Variants in DGLUCY observed in about 807,000 individuals in gnomAD.
DGLUCY encodes the protein D-glutamate cyclase, mitochondrial.
In DGLUCY, 58 loss-of-function variants were observed where a neutral mutation model predicts 58.5. The observed-to-expected ratio is 0.99, with a 90% CI of 0.80 to 1.23. The LOEUF (loss-of-function observed/expected upper bound fraction) is 1.23. Ranked by LOEUF, DGLUCY falls within the 50% of genes most tolerant of loss-of-function variation. The probability of loss-of-function intolerance (pLI) is 0.00; values close to 1 mark genes in which losing one functional copy is unlikely to be tolerated. For synonymous variants in DGLUCY, 325 were observed against 314.1 expected, an observed-to-expected ratio of 1.03 and a Z score of -0.37; for missense variants, 779 against 784.7, an observed-to-expected ratio of 0.99 and a Z score of 0.09.
At chr14:91,074,116 TATACACAC>T (rs1269859239) in intron 1 of DGLUCY, among the ~76,000 whole-genome samples, 33 of 77,494 alleles carry the variant, frequency 4.3e-4, no homozygotes, top group Non-Finnish European at 5.5e-4. Flanking sequence ...TATATATATA[TATACACAC>T]ACACACACAC....
chr14:91,153,350 T>C (rs946247851), intron 1 of DGLUCY, among the ~76,000 whole-genome samples: 1 of 152,086 alleles, frequency 6.6e-6, no homozygotes, highest in Non-Finnish European at 1.5e-5. Context: ...ACCTGGCTAA[T>C]TTTTGTATTT....
chr14:91,132,755 G>A (rs1468830303), intron 1 of DGLUCY, among the ~76,000 whole-genome samples: 1 of 151,970 alleles, frequency 6.6e-6, no homozygotes, highest in African/African-American at 2.4e-5. Context: ...TGGGATTACA[G>A]GCGTGAGCCA....
chr14:91,096,059 G>A (rs889580999), intron 1 of DGLUCY, among the ~76,000 whole-genome samples: 3 of 152,184 alleles, frequency 2.0e-5, no homozygotes, highest in South Asian at 2.1e-4. Context: ...TCAGATGCTA[G>A]TATTTGGTAG....
At chr14:91,142,840 AACACACACACAC>A (rs558892923) in intron 1 of DGLUCY, among the ~76,000 whole-genome samples, 1,284 of 124,292 alleles carry the variant, frequency 0.01, 12 homozygotes, top group African/African-American at 0.037. Context: ...ATCTCTACTA[AACACACACACAC>A]ACACACACAC....
At chr14:91,147,362 G>A (rs1195845736) in intron 1 of DGLUCY, among the ~76,000 whole-genome samples, 1 of 152,188 alleles carries the variant, frequency 6.6e-6, no homozygotes, top group Non-Finnish European at 1.5e-5. Context: ...AGAAAGCCGA[G>A]CAAGGTAGGG....
At chr14:91,215,581 G>T in intron 13 of DGLUCY, 25 bp downstream of exon 13, 1 of 1,613,184 alleles carries the variant, frequency 6.2e-7, no homozygotes, top group Non-Finnish European at 8.5e-7. Flanking sequence ...CCAGCCGCTC[G>T]CCTGGAAGCA....
At chr14:91,154,040 G>A (rs369892211) in intron 1 of DGLUCY, among the ~76,000 whole-genome samples, 1 of 152,164 alleles carries the variant, frequency 6.6e-6, no homozygotes, top group Non-Finnish European at 1.5e-5. Flanking sequence ...CAAGTAGCTG[G>A]AATTACGGGT....
At chr14:91,161,262 G>A (rs1198702980) in intron 3 of DGLUCY, among the ~76,000 whole-genome samples, 24 of 152,170 alleles carry the variant, frequency 1.6e-4, no homozygotes, top group Non-Finnish European at 1.5e-5. Flanking sequence ...AGTAGAGACG[G>A]GGTTTCACCG....
At chr14:91,193,309 C>T (rs1288116014) in intron 9 of DGLUCY, among the ~76,000 whole-genome samples, 1 of 152,104 alleles carries the variant, frequency 6.6e-6, no homozygotes, top group Admixed American at 6.5e-5. Flanking sequence ...TTTCAGCTGC[C>T]CCCTTCCCAG....
chr14:91,153,357 A>C (rs1041850666), intron 1 of DGLUCY, among the ~76,000 whole-genome samples: 1 of 151,996 alleles, frequency 6.6e-6, no homozygotes, highest in African/African-American at 2.4e-5. Flanking sequence ...TAATTTTTGT[A>C]TTTTTAGTAG....
intron 7 of DGLUCY, 21 bp from the exon 8 acceptor site, chr14:91,181,165 C>T: frequency 3.7e-6 from 6 of 1,611,824 alleles, no homozygotes; most frequent in Non-Finnish European, 5.1e-6. Context: ...TGGGCTCAGA[C>T]CCTCCTGCTG....
intron 1 of DGLUCY, among the ~76,000 whole-genome samples, chr14:91,119,641 C>A (rs576446235): frequency 1.3e-5 from 2 of 152,138 alleles, no homozygotes; most frequent in African/African-American, 4.8e-5. Context: ...GGTGTGATGG[C>A]TTAATGTTGA....
intron 11 of DGLUCY, among the ~76,000 whole-genome samples, chr14:91,203,774 T>G (rs2050715527): frequency 6.6e-6 from 1 of 151,926 alleles, no homozygotes; most frequent in Admixed American, 6.6e-5. Flanking sequence ...CCTCCCAGTT[T>G]CAAGTGATTC....
intron 1 of DGLUCY, among the ~76,000 whole-genome samples, chr14:91,119,669 T>C (rs941673): frequency 0.84 from 127,400 of 152,104 alleles, 53,716 homozygotes; most frequent in East Asian, 1. Context: ...CTGGATTGGA[T>C]TGAAGGATGT....
upstream of DGLUCY, among the ~76,000 whole-genome samples, chr14:91,103,467 A>G (rs2044528564): frequency 1.3e-5 from 2 of 152,106 alleles, 1 homozygote; most frequent in Admixed American, 1.3e-4. Flanking sequence ...GGAAAATAGA[A>G]GCCAACAGAT....
chr14:91,132,553 A>G (rs1356320230), intron 1 of DGLUCY, among the ~76,000 whole-genome samples: 1 of 149,948 alleles, frequency 6.7e-6, no homozygotes, highest in Non-Finnish European at 1.5e-5. Context: ...ATCTTGGCTC[A>G]CCGCAACCTC....
At position 91,223,598 on chromosome 14, in the gene DGLUCY, A is replaced by T. The variant is rs921662674; in HGVS notation, c.1717-1086A>T. 4 of 1,157,048 alleles carry T rather than the reference A, an allele frequency of 3.5e-6. No homozygotes were observed. In the African/African-American group the frequency reaches 6.4e-5, roughly 19 times the overall value. The allele number at this position is 1,157,048 out of a possible 1,614,324, so 71.7% of individuals were successfully genotyped here. Reference sequence around the variant, plus strand: ...GGACAGACACATTAGTGGCTTGGGCAAGTGGTGCTTTGGGATTTTATTTTT... The same window carrying T: ...GGACAGACACATTAGTGGCTTGGGCTAGTGGTGCTTTGGGATTTTATTTTT... On this transcript the variant is annotated intron_variant, in intron 13 of 13. Coordinates refer to ENST00000256324, the MANE Select transcript of DGLUCY (RefSeq NM_001102368.3).
chr14:91,168,369 T>TCCCCTGA (rs1400640049), intron 4 of DGLUCY, among the ~76,000 whole-genome samples: 1 of 152,012 alleles, frequency 6.6e-6, no homozygotes, highest in African/African-American at 2.4e-5. Context: ...GCTCAGTTTC[T>TCCCCTGA]CCCCTGACCC....
chr14:91,126,422 G>T (rs902825997), intron 1 of DGLUCY: 1 of 211,584 alleles, frequency 4.7e-6, no homozygotes, highest in African/African-American at 2.3e-5. Context: ...AATTACATGT[G>T]TTGGGGTGTG....
Sources: gnomAD v4.1 joint callset for allele counts (sites outside exome capture counted in the v4.1 genomes callset) on GRCh38, gnomAD v4.1.1 for gene constraint, MANE v1.5 for transcripts, NCBI Gene and HGNC (gene_info 2026-07-23, HGNC 2026-07-21) for gene names.